The following IFIT1 variants were observed in gnomAD, a reference collection of about 807,000 sequenced individuals.
The protein encoded by IFIT1 is antiviral innate immune response effector IFIT1.
IFIT1 carries 1 observed loss-of-function variant against 2.5 expected under a neutral mutation model. The ratio of observed to expected loss-of-function variants is 0.40; its 90% CI spans 0.14 to 1.92. The LOEUF is 1.92. IFIT1 is among the 40% of genes most tolerant of loss of function. The probability of loss-of-function intolerance (pLI) is 0.31; values close to 1 mark genes in which losing one functional copy is unlikely to be tolerated. For synonymous variants in IFIT1, 191 were observed against 201.7 expected, an observed-to-expected ratio of 0.95 and a Z score of 0.45; for missense variants, 508 against 557.8, an observed-to-expected ratio of 0.91 and a Z score of 0.90.
intron 1 of IFIT1, among the ~76,000 whole-genome samples, chr10:89,397,426 C>A (rs1844360398): frequency 6.6e-6 from 1 of 151,890 alleles, no homozygotes; most frequent in African/African-American, 2.4e-5. Context: ...CATAATAATA[C>A]ATGGCTTCAG....
chr10:89,399,820 A>G (rs1844396648), intron 1 of IFIT1, among the ~76,000 whole-genome samples: 1 of 151,952 alleles, frequency 6.6e-6, no homozygotes, highest in South Asian at 2.1e-4. Flanking sequence ...CGTAAGAGTG[A>G]GGCCTTAATC....
In IFIT1 at chr10:89,402,278, C is replaced by T. The variant is rs150922975; in HGVS notation, c.6-3C>T. 393 of 1,569,040 alleles carry T rather than the reference C, an allele frequency of 2.5e-4. 2 individuals carry two copies. In the African/African-American group the frequency reaches 5.0e-3, roughly 20 times the overall value. ...CAAAGAAAATCTGTTTTTGTTTTTACAGTACAAATGGTGATGATCATCAGG... is the reference window on the plus strand; with the variant it reads ...CAAAGAAAATCTGTTTTTGTTTTTATAGTACAAATGGTGATGATCATCAGG... On this transcript the variant is annotated splice_region_variant and splice_polypyrimidine_tract_variant and intron_variant, in intron 1 of 1. Transcript: ENST00000371804.
In IFIT1 at chr10:89,402,493, A is replaced by G; in HGVS notation, c.218A>G (p.Lys73Arg). The G allele has an allele frequency of 2.5e-6, 4 of 1,614,216 alleles. No homozygotes were observed. Among genetic ancestry groups the G allele is most frequent in the Non-Finnish European group, 3.4e-6 (4 of 1,180,036 alleles). ...HLKGQNEEALKSLKEAENLMQ... is the reference protein window; with the variant it reads ...HLKGQNEEALRSLKEAENLMQ... ...AAAGGCCAGAATGAGGAAGCCCTGA[A>G]GAGCTTAAAAGAAGCTGAAAACTTA... Residue 73 changes from lysine to arginine, a missense_variant, in exon 2 of 2, where the codon AAG becomes AGG. Lys to Arg is a conservative substitution (Grantham distance 26). Transcript: ENST00000371804.
In IFIT1 at chr10:89,405,771, C is replaced by T. The variant is rs1342247177; in HGVS notation, c.*2059C>T. 6.6e-6 allele frequency: 1 copy of T among 152,226 alleles called. No individual in the cohort carries two copies. The highest frequency in any genetic ancestry group is 1.5e-5 in the Non-Finnish European group (1 of 68,054). 9.4% of individuals were successfully genotyped at this position (152,226 alleles called of 1,614,324 possible). A position where few individuals can be genotyped will look rare whatever the true frequency, so the allele number is the denominator to read the frequency against. ...TCTTCTAAGGACGCACCAGGTCCAC[C>T]TGCATAATCCAGAATAATTGCCCCA... On this transcript the variant is annotated 3_prime_UTR_variant, in exon 2 of 2. Transcript: ENST00000371804.
intron 1 of IFIT1, among the ~76,000 whole-genome samples, chr10:89,394,361 A>G (rs1844302350): frequency 6.6e-6 from 1 of 152,110 alleles, no homozygotes; most frequent in Non-Finnish European, 1.5e-5. Context: ...TACAATAAGG[A>G]ATCTTAGATT....
At chr10:89,399,744 C>A (rs1347374374) in intron 1 of IFIT1, among the ~76,000 whole-genome samples, 2 of 140,416 alleles carry the variant, frequency 1.4e-5, no homozygotes, top group African/African-American at 2.6e-5. Context: ...GAAGCCTTAA[C>A]CCTCTTATGT....
At chr10:89,394,618 A>C (rs1844313146) in intron 1 of IFIT1, among the ~76,000 whole-genome samples, 1 of 27,162 alleles carries the variant, frequency 3.7e-5, no homozygotes, top group Non-Finnish European at 6.0e-5. Context: ...ATATATATAT[A>C]TATATATATA....
intron 1 of IFIT1, among the ~76,000 whole-genome samples, chr10:89,397,639 G>A (rs1208579762): frequency 6.6e-6 from 1 of 152,080 alleles, no homozygotes; most frequent in African/African-American, 2.4e-5. Context: ...GCCTCCCAAA[G>A]TGCTAAGATT....
rs376965843 is a variant in IFIT1, at chr10:89,402,672, C to T, written c.397C>T (p.Arg133Cys). The change falls in exon 2 of 2, where the codon CGC (arginine) becomes TGC (cysteine). Residue 133 changes from arginine to cysteine, a missense_variant. By Grantham distance (180) the Arg-to-Cys change is radical. Coordinates refer to ENST00000371804, the MANE Select transcript of IFIT1 (RefSeq NM_001548.5). ...TTGCAAGAAGCTTTCAAATCCCTTC[C>T]GCTATAGAATGGAGTGTCCAGAAAT... is the stretch of plus-strand genomic sequence containing the variant. ...NICKKLSNPF[R>C]YRMECPEIDC... is the part of the protein sequence containing the mutation. 2.8e-5 allele frequency: 45 copies of T among 1,614,062 alleles called. No homozygotes were observed. The highest frequency in any genetic ancestry group is 2.2e-4 in the Admixed American group (13 of 60,004).
Position 89,403,207 on chromosome 10 carries a change from G to C in IFIT1, c.932G>C (p.Arg311Thr). The C allele has an allele frequency of 6.2e-7, 1 of 1,614,168 alleles. No individual in the cohort carries two copies. Among genetic ancestry groups the C allele is most frequent in the Non-Finnish European group, 8.5e-7 (1 of 1,180,020 alleles). ...QIKEATKGQP[R>T]GQNREKLDKM... Reference sequence around the variant, plus strand: ...AAGGAGGCTACAAAAGGGCAGCCTAGAGGGCAGAACAGAGAAAAGCTAGAC... The same window carrying C: ...AAGGAGGCTACAAAAGGGCAGCCTACAGGGCAGAACAGAGAAAAGCTAGAC... The change falls in exon 2 of 2, where the codon AGA (arginine) becomes ACA (threonine). Residue 311 changes from arginine (R) to threonine (T), a missense_variant. Transcript: ENST00000371804.
In IFIT1 at chr10:89,403,591, G is replaced by C. The variant is rs1844478047; in HGVS notation, c.1316G>C (p.Ser439Thr). The change falls in exon 2 of 2, where the codon AGC (serine) becomes ACC (threonine). Residue 439 changes from serine (S) to threonine (T), a missense_variant. Ser to Thr is a moderately conservative substitution (Grantham distance 58). Transcript: ENST00000371804. Reference protein sequence around the residue: ...KLRRKALDLESLSLLGFVYKL... With the variant: ...KLRRKALDLETLSLLGFVYKL... ...CGGAGAAAGGCATTAGATCTGGAAA[G>C]CTTGAGCCTCCTTGGGTTCGTCTAC... is the stretch of plus-strand genomic sequence containing the variant. 4 of 1,613,954 alleles carry C rather than the reference G, an allele frequency of 2.5e-6. No individual in the cohort carries two copies. The highest frequency in any genetic ancestry group is 2.5e-6 in the Non-Finnish European group (3 of 1,179,940).
chr10:89,403,116 AC>A lies in IFIT1; in HGVS notation c.842del (p.Thr281AsnfsTer11). ...GTTATTAAAAAAGGCCTTGCAGGAA[AC>A]ACCCACTTCTGTCTTACTGCATCAC... ...LELLKKALQE[T>X]PTSVLLHHQI... On this transcript the variant is annotated frameshift_variant, in exon 2 of 2. Transcript: ENST00000371804. LOFTEE classifies it low-confidence loss of function (END_TRUNC). 6.2e-7 allele frequency: 1 copy of A among 1,614,170 alleles called. No homozygotes were observed. Among genetic ancestry groups the A allele is most frequent in the Non-Finnish European group, 8.5e-7 (1 of 1,180,020 alleles).
At chr10:89,399,240 T>C (rs1844387525) in intron 1 of IFIT1, among the ~76,000 whole-genome samples, 1 of 152,200 alleles carries the variant, frequency 6.6e-6, no homozygotes, top group African/African-American at 2.4e-5. Flanking sequence ...TGTTGCTGAG[T>C]TGTAGAGGTT....
intron 1 of IFIT1, among the ~76,000 whole-genome samples, chr10:89,396,401 G>C (rs955693728): frequency 6.6e-6 from 1 of 152,212 alleles, no homozygotes; most frequent in Non-Finnish European, 1.5e-5. Context: ...CTTCTGGTGA[G>C]GGCTTTGGTG....
rs923080931 is a variant in IFIT1 at position 89,403,781 on chromosome 10, GCTTA to G, written c.*72_*75del. The G allele has an allele frequency of 1.3e-5, 11 of 841,004 alleles. No homozygotes were observed. The African/African-American group carries it at 1.4e-4, about 10-fold the overall frequency. The allele number at this position is 841,004 out of a possible 1,614,324, so 52.1% of individuals were successfully genotyped here. A position where few individuals can be genotyped will look rare whatever the true frequency, so the allele number is the denominator to read the frequency against. On this transcript the variant is annotated 3_prime_UTR_variant, in exon 2 of 2. Transcript: ENST00000371804. ...CTAACATTTACTAATCATCTTTTCT[GCTTA>G]CTGTTTTCAGAAACATTATAATTCA... is the stretch of plus-strand genomic sequence containing the variant.
intron 1 of IFIT1, chr10:89,392,995 G>T (rs1844280243): frequency 4.1e-6 from 3 of 727,210 alleles, no homozygotes; most frequent in South Asian, 3.8e-5. Flanking sequence ...GAGTTTTGCA[G>T]GAAGGGAGAA....
rs769697159 is a variant in IFIT1, at chr10:89,392,722, G to A, written c.5+5G>A. 3.1e-6 allele frequency: 5 copies of A among 1,614,004 alleles called. No homozygotes were observed. The South Asian group carries it at 4.4e-5, about 14-fold the overall frequency. On this transcript the variant is annotated splice_donor_5th_base_variant and intron_variant, in intron 1 of 1. Coordinates refer to ENST00000371804, the MANE Select transcript of IFIT1 (RefSeq NM_001548.5). Reference sequence around the variant, plus strand: ...CTAATTTACAGCAACCATGAGGTAAGGATTTCTTTGCTCCTCTGCCATAAT... The same window carrying A: ...CTAATTTACAGCAACCATGAGGTAAAGATTTCTTTGCTCCTCTGCCATAAT...
In IFIT1 at chr10:89,403,045, C is replaced by T. The variant is rs375161224; in HGVS notation, c.770C>T (p.Ala257Val). 14 of 1,614,104 alleles carry T rather than the reference C, an allele frequency of 8.7e-6. No homozygotes were observed. In the African/African-American group the frequency reaches 1.5e-4, roughly 17 times the overall value. Residue 257 changes from alanine to valine, a missense_variant, in exon 2 of 2, where the codon GCA becomes GTA. Transcript: ENST00000371804. Reference sequence around the variant, plus strand: ...TCACAGACCTATGTCTTTCGATATGCAGCCAAGTTTTACCGAAGAAAAGGC... The same window carrying T: ...TCACAGACCTATGTCTTTCGATATGTAGCCAAGTTTTACCGAAGAAAAGGC... ...MSSQTYVFRY[A>V]AKFYRRKGSV...
intron 1 of IFIT1, chr10:89,393,485 C>A: frequency 2.7e-6 from 1 of 373,848 alleles, no homozygotes; most frequent in South Asian, 2.5e-5. Flanking sequence ...GTAATCCCAG[C>A]ACTTTGGGAG....
Sources: allele counts gnomAD v4.1 joint callset (sites outside exome capture counted in the v4.1 genomes callset), GRCh38; gene constraint gnomAD v4.1.1; transcripts MANE v1.5; gene names NCBI Gene and HGNC (gene_info 2026-07-23, HGNC 2026-07-21).